The following KIAA1549L variants were observed in gnomAD, a reference collection of about 807,000 sequenced individuals.
KIAA1549L encodes KIAA1549 like.
Under a neutral mutation model 160.7 loss-of-function variants are expected in KIAA1549L, and 88 were observed. The observed-to-expected ratio is 0.55, with a 90% CI of 0.46 to 0.65. KIAA1549L has a LOEUF of 0.65. Among genes scored for constraint, KIAA1549L ranks in the 30% least tolerant of loss-of-function variants. The pLI is 0.00. For synonymous variants in KIAA1549L, 950 were observed against 976.7 expected (o/e 0.97, Z 0.51); for missense variants, 2,258 against 2,437.5 (o/e 0.93, Z 1.55).
chr11:33,573,673 A>G (rs893070045), intron 9 of KIAA1549L, among the ~76,000 whole-genome samples: 5 of 152,162 alleles, frequency 3.3e-5, no homozygotes, highest in Non-Finnish European at 5.9e-5. Flanking sequence ...AATCTGTAAT[A>G]TAAACTTTGG....
At chr11:33,459,123 G>A (rs1851887994) in intron 1 of KIAA1549L, among the ~76,000 whole-genome samples, 1 of 152,244 alleles carries the variant, frequency 6.6e-6, no homozygotes, top group Non-Finnish European at 1.5e-5. Flanking sequence ...ATGTTTGTAT[G>A]TTAGTGGAGA....
chr11:33,531,430 C>T (rs1163880327), intron 1 of KIAA1549L, among the ~76,000 whole-genome samples: 1 of 151,944 alleles, frequency 6.6e-6, no homozygotes, highest in East Asian at 1.9e-4. Context: ...GCCGAGATTG[C>T]GCCACTGCAC....
intron 20 of KIAA1549L, among the ~76,000 whole-genome samples, chr11:33,664,452 C>G (rs1006691206): frequency 6.6e-6 from 1 of 152,210 alleles, no homozygotes; most frequent in Non-Finnish European, 1.5e-5. Context: ...ACCACACATC[C>G]CCCATCTAGA....
intron 1 of KIAA1549L, among the ~76,000 whole-genome samples, chr11:33,447,054 A>T (rs1458126209): frequency 6.6e-6 from 1 of 152,168 alleles, no homozygotes; most frequent in Non-Finnish European, 1.5e-5. Context: ...CATGATGGAG[A>T]TTTACCACAG....
intron 1 of KIAA1549L, among the ~76,000 whole-genome samples, chr11:33,520,584 G>C (rs181911755): frequency 2.4e-4 from 37 of 152,020 alleles, no homozygotes; most frequent in African/African-American, 5.1e-4. Context: ...TACACATGCT[G>C]TCATTATTGT....
intron 9 of KIAA1549L, among the ~76,000 whole-genome samples, chr11:33,570,007 T>TC (rs372667677): frequency 6.7e-3 from 14 of 2,078 alleles, no homozygotes; most frequent in Non-Finnish European, 0.04. Flanking sequence ...TCTCTCTCTC[T>TC]TTTTTTTTTT....
chr11:33,590,192 T>C (rs139982169), intron 11 of KIAA1549L, among the ~76,000 whole-genome samples: 1 of 152,350 alleles, frequency 6.6e-6, no homozygotes, highest in Non-Finnish European at 1.5e-5. Flanking sequence ...ATAAATTGTA[T>C]CATGTTTATA....
chr11:33,571,375 A>G (rs905211087), intron 9 of KIAA1549L, among the ~76,000 whole-genome samples: 1 of 152,202 alleles, frequency 6.6e-6, no homozygotes, highest in East Asian at 1.9e-4. Context: ...GAGTGAGGAT[A>G]GTGTTTTCCG....
At chr11:33,599,911 T>C (rs1030644888) in intron 13 of KIAA1549L, among the ~76,000 whole-genome samples, 1 of 152,228 alleles carries the variant, frequency 6.6e-6, no homozygotes, top group African/African-American at 2.4e-5. Context: ...TTAGCTGCAC[T>C]TCCCTTTCAA....
At chr11:33,385,334 G>T (rs146078954) in intron 1 of KIAA1549L, among the ~76,000 whole-genome samples, 253 of 152,136 alleles carry the variant, frequency 1.7e-3, no homozygotes, top group African/African-American at 5.9e-3. Flanking sequence ...TCTAGTTCAG[G>T]GTTTCTTAAC....
At chr11:33,664,148 T>C (rs1852361345) in intron 20 of KIAA1549L, among the ~76,000 whole-genome samples, 2 of 152,128 alleles carry the variant, frequency 1.3e-5, no homozygotes, top group Non-Finnish European at 2.9e-5. Flanking sequence ...CTTTGCTGGG[T>C]CTTGTGGGGA....
At chr11:33,609,672 A>G (rs1256836917) in intron 14 of KIAA1549L, 77 bp from the exon 15 acceptor site, 1 of 1,194,990 alleles carries the variant, frequency 8.4e-7, no homozygotes, top group Admixed American at 2.0e-5. Context: ...TTTAGAAGTG[A>G]TAACCTCCTG....
chr11:33,480,225 C>T (rs1176679890), intron 1 of KIAA1549L, among the ~76,000 whole-genome samples: 2 of 152,184 alleles, frequency 1.3e-5, no homozygotes, highest in African/African-American at 4.8e-5. Context: ...ACCCTGTACT[C>T]TCCTTTTTCC....
chr11:33,632,120 A>G (rs988751462), intron 16 of KIAA1549L, among the ~76,000 whole-genome samples: 2 of 152,176 alleles, frequency 1.3e-5, no homozygotes, highest in African/African-American at 2.4e-5. Context: ...AACTTAAACG[A>G]TCTTAAAACA....
intron 1 of KIAA1549L, among the ~76,000 whole-genome samples, chr11:33,514,350 C>G (rs967241564): frequency 2.0e-5 from 3 of 152,184 alleles, no homozygotes; most frequent in Admixed American, 6.5e-5. Flanking sequence ...GTTGGGGGAA[C>G]CACGGACTGA....
chr11:33,606,856 C>T, intron 14 of KIAA1549L, 34 bp downstream of exon 14: 1 of 1,549,404 alleles, frequency 6.5e-7, no homozygotes, highest in Non-Finnish European at 8.7e-7. Flanking sequence ...AGGAGATGGT[C>T]CGGCCAGACT....
chr11:33,489,735 CTT>C (rs1852613526), intron 1 of KIAA1549L, among the ~76,000 whole-genome samples: 1 of 152,166 alleles, frequency 6.6e-6, no homozygotes, highest in African/African-American at 2.4e-5. Context: ...GCATCTGTCT[CTT>C]CCAACTACAT....
chr11:33,584,938 G>A (rs931704524), intron 11 of KIAA1549L, among the ~76,000 whole-genome samples: 3 of 152,178 alleles, frequency 2.0e-5, no homozygotes, highest in African/African-American at 7.2e-5. Context: ...AATGCATGTC[G>A]GCCATGGAGA....
rs16924408 is a variant in KIAA1549L at position 33,539,459 on chromosome 11, A to G, written c.239-2343A>G. Among the ~76,000 whole-genome samples, 350 of 152,338 alleles carry G rather than the reference A, an allele frequency of 2.3e-3. 2 individuals are homozygous for G. Among genetic ancestry groups the G allele is most frequent in the African/African-American group, 8.0e-3 (334 of 41,588 alleles). ...GTTTCAATGACAACCTCCAAATTGC[A>G]GTGACATAAAATAGCAAAGGCTAAC... is the stretch of plus-strand genomic sequence containing the variant. On this transcript the variant is annotated intron_variant, in intron 1 of 20. Coordinates refer to ENST00000658780, the MANE Select transcript of KIAA1549L (RefSeq NM_012194.3).
Sources: allele counts gnomAD v4.1 joint callset (sites outside exome capture counted in the v4.1 genomes callset), GRCh38; gene constraint gnomAD v4.1.1; transcripts MANE v1.5; gene names NCBI Gene and HGNC (gene_info 2026-07-23, HGNC 2026-07-21).